ZNF318: variants seen among roughly 807,000 people sequenced by gnomAD.
The protein encoded by ZNF318 is endocrine regulator.
ZNF318 carries 51 observed loss-of-function variants against 124.2 expected under a neutral mutation model. The observed-to-expected ratio is 0.41, with a 90% CI of 0.33 to 0.52. The LOEUF is 0.52. Ranked by LOEUF, ZNF318 falls within the 20% of genes least tolerant of loss-of-function variation. ZNF318 has a pLI of 0.23. For missense variants in ZNF318, 2,815 were observed against 2,811.2 expected, an observed-to-expected ratio of 1.00 and a Z score of -0.03; for synonymous variants, 1,090 against 1,040.7, an observed-to-expected ratio of 1.05 and a Z score of -0.91.
At chr6:43,341,151 T>C (rs370597011) in intron 8 of ZNF318, among the ~76,000 whole-genome samples, 3 of 152,284 alleles carry the variant, frequency 2.0e-5, no homozygotes, top group African/African-American at 7.2e-5. Context: ...ATTTAGGAGT[T>C]TCCTGTGCCA....
rs112304600 is a variant in ZNF318 at position 43,369,537 on chromosome 6, A to G, written c.-172T>C. The G allele has an allele frequency of 3.4e-6, 1 of 290,456 alleles. No individual in the cohort carries two copies. Among genetic ancestry groups the G allele is most frequent in the Non-Finnish European group, 5.1e-6 (1 of 196,092 alleles). 18.0% of individuals were successfully genotyped at this position (290,456 alleles called of 1,614,324 possible). On this transcript the variant is annotated 5_prime_UTR_variant, in exon 1 of 10. Transcript: ENST00000361428. ...CCGCGTCGCCCCGGGGGCCCGGCCG[A>G]GCGCGCCCCCGCGGCTGGCGGTTGG...
At position 43,365,433 on chromosome 6, in the gene ZNF318, G is replaced by A. The variant is rs1779747407; in HGVS notation, c.407C>T (p.Ser136Phe). The part of the protein sequence containing the change: ...HPGDSGSRRR[S>F]PGLCSDSLEK... The stretch of plus-strand genomic sequence containing the variant: ...CAAAGAGTCAGAACACAGACCAGGA[G>A]AGCGTCTCTACAAAAGTAAAGGATA... The change falls in exon 2 of 10, where the codon TCT becomes TTT. Residue 136 changes from serine to phenylalanine, a missense_variant. Ser to Phe is a radical substitution (Grantham distance 155). Transcript: ENST00000361428. 1 of 1,613,464 alleles carries A rather than the reference G, an allele frequency of 6.2e-7. No homozygotes were observed. Among genetic ancestry groups the A allele is most frequent in the Admixed American group, 1.7e-5 (1 of 60,002 alleles).
chr6:43,340,645 A>C, intron 9 of ZNF318, 143 bp from the exon 10 acceptor site: 1 of 1,506,346 alleles, frequency 6.6e-7, no homozygotes, highest in Non-Finnish European at 8.9e-7. Context: ...TCTGCTGAGC[A>C]TCTCCCACTA....
chr6:43,357,847 A>G, intron 2 of ZNF318, 82 bp from the exon 3 acceptor site: 1 of 1,302,834 alleles, frequency 7.7e-7, no homozygotes, highest in Non-Finnish European at 1.1e-6. Context: ...GGTGTTTGTC[A>G]AGGGGGCTAT....
chr6:43,361,229 A>G (rs1210101220), intron 2 of ZNF318, among the ~76,000 whole-genome samples: 1 of 152,160 alleles, frequency 6.6e-6, no homozygotes. Flanking sequence ...AATCAGAGGG[A>G]AAAAAATCCC....
At chr6:43,362,626 C>G (rs1377236750) in intron 2 of ZNF318, among the ~76,000 whole-genome samples, 1 of 145,434 alleles carries the variant, frequency 6.9e-6, no homozygotes, top group Non-Finnish European at 1.5e-5. Flanking sequence ...CCTGCCTCAG[C>G]CTCTGGAGTA....
At chr6:43,348,739 C>T (rs1361436201) in intron 5 of ZNF318, 114 bp from the exon 6 acceptor site, 8 of 1,291,818 alleles carry the variant, frequency 6.2e-6, no homozygotes, top group East Asian at 2.5e-5. Flanking sequence ...TGCCCACAAA[C>T]GTTTCTAAGA....
rs1341019244 is a variant in ZNF318, at chr6:43,369,380, C to T, written c.-15G>A. Reference sequence around the variant, plus strand: ...CTGCGGTACATGGTTCTTGCAGCGGCGGCCACGGCGACAGCTCTGACCCGG... The same window carrying T: ...CTGCGGTACATGGTTCTTGCAGCGGTGGCCACGGCGACAGCTCTGACCCGG... On this transcript the variant is annotated 5_prime_UTR_variant, in exon 1 of 10. Transcript: ENST00000361428. 2.6e-5 allele frequency: 32 copies of T among 1,240,718 alleles called. No individual in the cohort carries two copies. Among genetic ancestry groups the T allele is most frequent in the Admixed American group, 8.0e-5 (2 of 24,878 alleles). The allele number at this position is 1,240,718 out of a possible 1,614,324, so 76.9% of individuals were successfully genotyped here.
chr6:43,369,327 G>A lies in ZNF318; in HGVS notation c.39C>T (p.His13=), dbSNP rs1397480541. 7.4e-7 allele frequency: 1 copy of A among 1,346,390 alleles called. No individual in the cohort carries two copies. Among genetic ancestry groups the A allele is most frequent in the Non-Finnish European group, 9.6e-7 (1 of 1,040,930 alleles). 83.4% of individuals were successfully genotyped at this position (1,346,390 alleles called of 1,614,324 possible). Residue 13 remains histidine (H), a synonymous_variant, in exon 1 of 10, where the codon CAC becomes CAT. Transcript: ENST00000361428. ...CGCCCCCGCCGTCGTCTTTAGGCCGGTGGGAAGAGACGGAGGAGCGAGCGC... is the reference window on the plus strand; with the variant it reads ...CGCCCCCGCCGTCGTCTTTAGGCCGATGGGAAGAGACGGAGGAGCGAGCGC... The part of the protein sequence containing the change: ...RSSARSSVSS[H]RPKDDGGGGP...
chr6:43,358,334 G>A (rs1179085527), intron 2 of ZNF318, among the ~76,000 whole-genome samples: 1 of 150,240 alleles, frequency 6.7e-6, no homozygotes, highest in Non-Finnish European at 1.5e-5. Context: ...TGCAAGCTCC[G>A]CCTCTCAGGT....
intron 1 of ZNF318, 130 bp downstream of exon 1, chr6:43,368,837 C>A: frequency 3.2e-6 from 4 of 1,235,780 alleles, no homozygotes; most frequent in East Asian, 3.2e-5. Context: ...GGCTCGGCAT[C>A]CCCGAGGGAG....
At chr6:43,360,971 T>C (rs1779673942) in intron 2 of ZNF318, among the ~76,000 whole-genome samples, 1 of 152,152 alleles carries the variant, frequency 6.6e-6, no homozygotes, top group Admixed American at 6.6e-5. Context: ...AGAGCTTCTT[T>C]CTGGTGTAAT....
intron 2 of ZNF318, among the ~76,000 whole-genome samples, chr6:43,358,708 C>T (rs927017724): frequency 2.0e-5 from 3 of 152,050 alleles, no homozygotes; most frequent in Non-Finnish European, 2.9e-5. Flanking sequence ...GTGTGCACCA[C>T]CATGCTGGCT....
At position 43,355,341 on chromosome 6, in the gene ZNF318, A is replaced by T; in HGVS notation, c.1993T>A (p.Ser665Thr). 6.2e-7 allele frequency: 1 copy of T among 1,614,148 alleles called. No individual in the cohort carries two copies. The highest frequency in any genetic ancestry group is 1.1e-5 in the South Asian group (1 of 91,064). ...DRCSSVDHCF[S>T]ADRRSSDPHR... ...GGATCTGAGGAACGTCGATCAGCTG[A>T]GAAGCAGTGGTCAACTGAGGAACAG... The change falls in exon 4 of 10, where the codon TCA becomes ACA. Residue 665 changes from serine to threonine, a missense_variant. By Grantham distance (58) the Ser-to-Thr change is moderately conservative. Transcript: ENST00000361428.
Position 43,369,446 on chromosome 6 carries a change from G to A in ZNF318, c.-81C>T, listed in dbSNP as rs1779808624. The A allele has an allele frequency of 3.7e-6, 4 of 1,088,300 alleles. No homozygotes were observed. Among genetic ancestry groups the A allele is most frequent in the Non-Finnish European group, 4.5e-6 (4 of 884,232 alleles). 67.4% of individuals were successfully genotyped at this position (1,088,300 alleles called of 1,614,324 possible). A position where few individuals can be genotyped will look rare whatever the true frequency, so the allele number is the denominator to read the frequency against. On this transcript the variant is annotated 5_prime_UTR_variant, in exon 1 of 10. Coordinates refer to ENST00000361428, the MANE Select transcript of ZNF318 (RefSeq NM_014345.3). ...AGGCTCGGAGCGCGCCGCCGCAGCT[G>A]CAGCCGCCGCCACCTCGGCCGCTGC...
At position 43,348,439 on chromosome 6, in the gene ZNF318, T is replaced by C; in HGVS notation, c.2957A>G (p.Asp986Gly). 1 of 1,614,168 alleles carries C rather than the reference T, an allele frequency of 6.2e-7. No individual in the cohort carries two copies. The highest frequency in any genetic ancestry group is 8.5e-7 in the Non-Finnish European group (1 of 1,180,016). ...VAQILGINIF[D>G]KSQKSLSDSR... ...GTCACTTAAAGACTTCTGGGATTTA[T>C]CGAAGATGTTAATTCCCAAGATCTG... Residue 986 changes from aspartate (D) to glycine (G), a missense_variant, in exon 6 of 10, where the codon GAT becomes GGT. Physicochemically the swap from Asp to Gly is moderately conservative, Grantham distance 94 (BLOSUM62 -1). This residue lies in a region of ZNF318 where 1,377 missense variants were observed against 1,353.5 expected (regional missense o/e 1.02). Coordinates refer to ENST00000361428, the MANE Select transcript of ZNF318 (RefSeq NM_014345.3).
chr6:43,338,906 T>G lies in ZNF318; in HGVS notation c.5092A>C (p.Ile1698Leu). Residue 1698 changes from isoleucine (I) to leucine (L), a missense_variant, in exon 10 of 10, where the codon ATA (isoleucine) becomes CTA (leucine). Ile to Leu is a conservative substitution (Grantham distance 5). This residue lies in a region of ZNF318 where 927 missense variants were observed against 820.6 expected (regional missense o/e 1.13). Transcript: ENST00000361428. ...TITPKTDTLA[I>L]WTSSSFQSDT... ...CTCTGGAAGGAACTAGAGGTCCATA[T>G]GGCCAAAGTGTCTGTCTTTGGGGTA... The G allele has an allele frequency of 1.2e-6, 2 of 1,614,112 alleles. No homozygotes were observed. The highest frequency in any genetic ancestry group is 1.1e-5 in the South Asian group (1 of 91,080).
At chr6:43,350,359 C>T (rs963726031) in intron 5 of ZNF318, among the ~76,000 whole-genome samples, 1 of 152,052 alleles carries the variant, frequency 6.6e-6, no homozygotes, top group African/African-American at 2.4e-5. Flanking sequence ...AAATTTGGAA[C>T]AATTTGAGCA....
intron 5 of ZNF318, among the ~76,000 whole-genome samples, chr6:43,349,317 T>C (rs761420274): frequency 2.0e-5 from 3 of 152,146 alleles, no homozygotes; most frequent in Non-Finnish European, 4.4e-5. Flanking sequence ...GTAATATATT[T>C]GACTTTATCT....
Sources: allele counts gnomAD v4.1 joint callset (sites outside exome capture counted in the v4.1 genomes callset), GRCh38; gene constraint gnomAD v4.1.1; regional missense constraint gnomAD v4.1.1; transcripts MANE v1.5; gene names NCBI Gene and HGNC (gene_info 2026-07-23, HGNC 2026-07-21).